The following ATP10B variants were observed in gnomAD, a reference collection of about 807,000 sequenced individuals.
ATP10B encodes phospholipid-transporting ATPase VB.
Under a neutral mutation model 141.2 loss-of-function variants are expected in ATP10B, and 122 were observed. That is an observed-to-expected ratio of 0.86 (90% CI 0.75 to 1.00). The LOEUF (loss-of-function observed/expected upper bound fraction) is 1.00, where lower values mean the gene tolerates loss of function less well. Among genes scored for constraint, ATP10B ranks in the 50% least tolerant of loss-of-function variants. ATP10B has a pLI of 0.00. For synonymous variants in ATP10B, 685 were observed against 692.0 expected (o/e 0.99, Z 0.16); for missense variants, 1,876 against 1,825.3 (o/e 1.03, Z -0.51).
chr5:160,755,835 AAAAATATATATATATATATAT>A (rs1463943151), intron 2 of ATP10B, among the ~76,000 whole-genome samples: 5 of 78,962 alleles, frequency 6.3e-5, no homozygotes, highest in East Asian at 1.0e-3. Flanking sequence ...AAAAAAAAAA[AAAAATATATATATATATATAT>A]ATATATATAT....
chr5:160,927,555 A>G, the ATP10B span, among the ~76,000 whole-genome samples: 35 of 152,326 alleles, frequency 2.3e-4, no homozygotes, highest in Admixed American at 6.5e-4. Flanking sequence ...TTAAACCAAG[A>G]TGTTTATCTT....
chr5:160,595,051 C>T (rs1475544508), intron 22 of ATP10B, among the ~76,000 whole-genome samples: 1 of 142,096 alleles, frequency 7.0e-6, no homozygotes, highest in Non-Finnish European at 1.5e-5. Context: ...ACCTAATAGA[C>T]ATCTACAGGT....
intron 2 of ATP10B, among the ~76,000 whole-genome samples, chr5:160,770,122 TTCTGTCTCTTTCTCTCTGTGTC>T (rs1218094961): frequency 6.6e-6 from 1 of 152,038 alleles, no homozygotes; most frequent in Non-Finnish European, 1.5e-5. Context: ...TATTCTTTGT[TTCTGTCTCTTTCTCTCTGTGTC>T]TCTGTCTCTC....
chr5:160,841,905 A>G (rs1430996774), intron 1 of ATP10B, among the ~76,000 whole-genome samples: 1 of 152,018 alleles, frequency 6.6e-6, no homozygotes, highest in Non-Finnish European at 1.5e-5. Flanking sequence ...TTGTATTTTT[A>G]GTAGAGATGG....
intron 2 of ATP10B, among the ~76,000 whole-genome samples, chr5:160,761,764 G>C (rs1304444788): frequency 6.6e-6 from 1 of 152,084 alleles, no homozygotes; most frequent in Non-Finnish European, 1.5e-5. Context: ...AAAGAATCCA[G>C]AAGGATGATT....
chr5:160,802,548 T>A (rs1772449086), intron 1 of ATP10B, among the ~76,000 whole-genome samples: 1 of 152,128 alleles, frequency 6.6e-6, no homozygotes. Flanking sequence ...CCACCAGTCA[T>A]CTCCCCAACA....
chr5:160,642,889 G>T lies in ATP10B; in HGVS notation c.868+1249C>A, dbSNP rs573863498. ...GGCAGCCCGACTAGCTGGAGCCATGGTTAACACTCCATATCTGCCACCTTA... is the reference window on the plus strand; with the variant it reads ...GGCAGCCCGACTAGCTGGAGCCATGTTTAACACTCCATATCTGCCACCTTA... On this transcript the variant is annotated intron_variant, in intron 9 of 25. Coordinates refer to ENST00000327245, the MANE Select transcript of ATP10B (RefSeq NM_025153.3). 3.3e-5 allele frequency among the ~76,000 whole-genome samples: 5 copies of T among 152,326 alleles called. No homozygotes were observed. The South Asian group carries it at 8.3e-4, about 25-fold the overall frequency.
chr5:160,606,790 C>T lies in ATP10B; in HGVS notation c.3135G>A (p.Lys1045=), dbSNP rs200136535. The T allele has an allele frequency of 6.2e-7, 1 of 1,613,796 alleles. No individual in the cohort carries two copies. Among genetic ancestry groups the T allele is most frequent in the African/African-American group, 1.3e-5 (1 of 74,920 alleles). Residue 1045 remains lysine, a synonymous_variant, in exon 19 of 26, where the codon AAG becomes AAA. Transcript: ENST00000327245. The part of the protein sequence containing the change: ...KSMIVKLVRD[K]LRVMTLSIGD... Reference sequence around the variant, plus strand: ...CTATGGAAAGGGTCATGACGCGCAACTTGTCTCGCACCAGCTTGACTATCA... The same window carrying T: ...CTATGGAAAGGGTCATGACGCGCAATTTGTCTCGCACCAGCTTGACTATCA...
chr5:160,799,372 A>G (rs1322696978), intron 1 of ATP10B, among the ~76,000 whole-genome samples: 1 of 152,210 alleles, frequency 6.6e-6, no homozygotes, highest in East Asian at 1.9e-4. Flanking sequence ...AGCAAGCAGC[A>G]GTCTACTTCT....
chr5:160,840,958 G>C (rs1775777551), intron 1 of ATP10B, among the ~76,000 whole-genome samples: 2 of 152,080 alleles, frequency 1.3e-5, no homozygotes. Context: ...TTCGTTCATA[G>C]GGCTGTGGAA....
At chr5:160,736,441 CAAGT>C (rs1242090745) in intron 2 of ATP10B, among the ~76,000 whole-genome samples, 1 of 152,102 alleles carries the variant, frequency 6.6e-6, no homozygotes, top group Non-Finnish European at 1.5e-5. Flanking sequence ...AGACCAATAA[CAAGT>C]AATAAGATCA....
chr5:160,741,299 C>T (rs1767459007), intron 2 of ATP10B, among the ~76,000 whole-genome samples: 2 of 152,232 alleles, frequency 1.3e-5, no homozygotes, highest in East Asian at 3.8e-4. Context: ...TCCTCTGATG[C>T]CTCTCATTTT....
At chr5:160,896,256 A>G in the ATP10B span, among the ~76,000 whole-genome samples, 62 of 151,736 alleles carry the variant, frequency 4.1e-4, no homozygotes, top group African/African-American at 1.3e-3. Flanking sequence ...AAAAAAATCA[A>G]TGAATCCAGG....
chr5:160,726,246 G>T (rs1315430650), intron 2 of ATP10B, among the ~76,000 whole-genome samples: 1 of 152,172 alleles, frequency 6.6e-6, no homozygotes, highest in African/African-American at 2.4e-5. Context: ...TAAGTGCGGG[G>T]TTTTTCTTAG....
intron 13 of ATP10B, among the ~76,000 whole-genome samples, chr5:160,631,444 C>G (rs1246604547): frequency 6.6e-6 from 1 of 152,174 alleles, no homozygotes; most frequent in Non-Finnish European, 1.5e-5. Context: ...CAGAAAGCCC[C>G]AGACCAAAGC....
chr5:160,673,772 A>C (rs572489078), intron 6 of ATP10B, among the ~76,000 whole-genome samples: 1 of 152,098 alleles, frequency 6.6e-6, no homozygotes, highest in Non-Finnish European at 1.5e-5. Flanking sequence ...GACTCAGGGG[A>C]TAATATTTTT....
chr5:160,800,907 G>A (rs1175532049), intron 1 of ATP10B, among the ~76,000 whole-genome samples: 1 of 152,182 alleles, frequency 6.6e-6, no homozygotes, highest in Admixed American at 6.5e-5. Context: ...TTGAAGCCCT[G>A]CAGGGCCCTT....
intron 3 of ATP10B, among the ~76,000 whole-genome samples, chr5:160,715,302 G>T (rs944243350): frequency 7.7e-6 from 1 of 129,842 alleles, no homozygotes; most frequent in Non-Finnish European, 1.7e-5. Flanking sequence ...GCCAGGTGTG[G>T]GATATAGTCT....
the ATP10B span, among the ~76,000 whole-genome samples, chr5:160,884,780 A>G: frequency 6.6e-6 from 1 of 152,222 alleles, no homozygotes; most frequent in South Asian, 2.1e-4. Flanking sequence ...TTAAGCAAAC[A>G]TTTGAAAGGT....
Sources: allele counts gnomAD v4.1 joint callset (sites outside exome capture counted in the v4.1 genomes callset), GRCh38; gene constraint gnomAD v4.1.1; transcripts MANE v1.5; gene names NCBI Gene and HGNC (gene_info 2026-07-23, HGNC 2026-07-21).